Variants in PRR5L observed in about 807,000 individuals in gnomAD.
PRR5L encodes proline-rich protein 5-like.
Under a neutral mutation model 36.4 loss-of-function variants are expected in PRR5L, and 21 were observed. The observed-to-expected ratio is 0.58, with a 90% CI of 0.41 to 0.83. The LOEUF is 0.83. PRR5L is among the 40% of genes least tolerant of loss of function. The pLI is 0.00. For missense variants in PRR5L, 381 were observed against 473.3 expected (o/e 0.80, Z 1.81); for synonymous variants, 188 against 197.0 (o/e 0.95, Z 0.38).
chr11:36,343,773 T>A (rs894000408), intron 1 of PRR5L, among the ~76,000 whole-genome samples: 4 of 152,204 alleles, frequency 2.6e-5, no homozygotes, highest in African/African-American at 9.7e-5. Context: ...TATTATTACC[T>A]CCACTTACTG....
rs541748940 is a variant in PRR5L at position 36,411,470 on chromosome 11, CCT to C, written c.246-7784_246-7783del. 2.5e-4 allele frequency among the ~76,000 whole-genome samples: 38 copies of C among 152,174 alleles called. No homozygotes were observed. In the South Asian group the frequency reaches 2.7e-3, roughly 11 times the overall value. ...AGTCAGTGCTTCCCCATTTTTTCCC[CCT>C]GTTATGGCTCCTTTTGGCTTCTGGC... On this transcript the variant is annotated intron_variant, in intron 3 of 8. Coordinates refer to ENST00000530639, the MANE Select transcript of PRR5L (RefSeq NM_001160167.2).
chr11:36,374,047 C>CTCCTTCCTTCCTTCCTTCCT (rs59668248), intron 1 of PRR5L, among the ~76,000 whole-genome samples: 5 of 117,724 alleles, frequency 4.2e-5, no homozygotes, highest in African/African-American at 1.6e-4. Context: ...TAATTTTTTC[C>CTCCTTCCTTCCTTCCTTCCT]TCCTTCCTTC....
intron 1 of PRR5L, among the ~76,000 whole-genome samples, chr11:36,378,192 G>A (rs1444572534): frequency 1.3e-5 from 2 of 152,184 alleles, no homozygotes; most frequent in Non-Finnish European, 2.9e-5. Flanking sequence ...AGCAGCTAGC[G>A]GGTCAGGAGG....
chr11:36,389,614 ATTT>A, intron 1 of PRR5L, among the ~76,000 whole-genome samples: 1 of 135,002 alleles, frequency 7.4e-6, no homozygotes, highest in Admixed American at 7.5e-5. Context: ...AGCCCCATGT[ATTT>A]TTTTTTTTTT....
In PRR5L at chr11:36,366,982, G is replaced by A. The variant is rs181542515; in HGVS notation, c.-125-34015G>A. Reference sequence around the variant, plus strand: ...ACACAAATTTTTCCTTATTCCATTCGCCTTTCTATATATCCAATGCAGACT... The same window carrying A: ...ACACAAATTTTTCCTTATTCCATTCACCTTTCTATATATCCAATGCAGACT... On this transcript the variant is annotated intron_variant, in intron 1 of 8. Transcript: ENST00000530639. Among the ~76,000 whole-genome samples the A allele has an allele frequency of 4.1e-4, 62 of 151,522 alleles. No homozygotes were observed. The East Asian group carries it at 9.7e-3, about 24-fold the overall frequency.
At chr11:36,420,834 A>AACACACACACACACACACACAC (rs58639707) in intron 4 of PRR5L, among the ~76,000 whole-genome samples, 26 of 139,404 alleles carry the variant, frequency 1.9e-4, no homozygotes, top group Middle Eastern at 3.8e-3. Context: ...CAGTTGTTTA[A>AACACACACACACACACACACAC]ACACACACAC....
chr11:36,434,546 A>C (rs1418760679), intron 5 of PRR5L, among the ~76,000 whole-genome samples: 1 of 152,168 alleles, frequency 6.6e-6, no homozygotes, highest in African/African-American at 2.4e-5. Flanking sequence ...AGAAGATGCC[A>C]TGTTAACTTC....
chr11:36,454,471 T>C (rs44883), intron 8 of PRR5L, among the ~76,000 whole-genome samples: 30,277 of 152,102 alleles, frequency 0.2, 3,493 homozygotes, highest in African/African-American at 0.3. Flanking sequence ...GGAGTTGGGT[T>C]GGGGGTGATA....
intron 1 of PRR5L, among the ~76,000 whole-genome samples, chr11:36,304,092 G>T (rs1171762202): frequency 6.6e-6 from 1 of 152,126 alleles, no homozygotes; most frequent in Non-Finnish European, 1.5e-5. Context: ...AGAGACTGAG[G>T]CCATTCCTCA....
intron 1 of PRR5L, among the ~76,000 whole-genome samples, chr11:36,312,997 C>T (rs965783901): frequency 1.3e-5 from 2 of 152,240 alleles, no homozygotes; most frequent in Non-Finnish European, 2.9e-5. Flanking sequence ...GCTTTACTGA[C>T]AGATGTATCC....
intron 1 of PRR5L, among the ~76,000 whole-genome samples, chr11:36,393,110 T>A (rs1308939822): frequency 6.6e-6 from 1 of 152,184 alleles, no homozygotes; most frequent in Non-Finnish European, 1.5e-5. Context: ...TTTGCAAATA[T>A]TTTCTCCCAT....
At chr11:36,419,441 A>G in intron 4 of PRR5L, 138 bp downstream of exon 4, 1 of 772,204 alleles carries the variant, frequency 1.3e-6, no homozygotes, top group South Asian at 1.5e-5. Flanking sequence ...TGTGTGCTGC[A>G]CGTTGCAGAG....
intron 1 of PRR5L, among the ~76,000 whole-genome samples, chr11:36,392,233 T>C (rs1444775385): frequency 1.3e-5 from 2 of 152,234 alleles, no homozygotes; most frequent in South Asian, 2.1e-4. Context: ...GACACTTAGA[T>C]TGCATACAGA....
At chr11:36,449,618 C>G (rs1017006638) in intron 7 of PRR5L, among the ~76,000 whole-genome samples, 2 of 152,220 alleles carry the variant, frequency 1.3e-5, no homozygotes, top group African/African-American at 4.8e-5. Flanking sequence ...CCCAGCCAGG[C>G]AGGGTGTGCA....
intron 1 of PRR5L, chr11:36,297,241 T>C (rs1310030174): frequency 1.3e-5 from 2 of 152,258 alleles, no homozygotes; most frequent in African/African-American, 2.4e-5. Flanking sequence ...GGAGTTATTC[T>C]GCTTCTCTAG....
chr11:36,457,983 G>A (rs999917195), intron 8 of PRR5L, among the ~76,000 whole-genome samples: 1 of 152,192 alleles, frequency 6.6e-6, no homozygotes, highest in Non-Finnish European at 1.5e-5. Context: ...TATAGTTATT[G>A]ATTTTGGAGA....
At chr11:36,443,337 A>C (rs1400479527) in intron 6 of PRR5L, among the ~76,000 whole-genome samples, 1 of 152,206 alleles carries the variant, frequency 6.6e-6, no homozygotes, top group African/African-American at 2.4e-5. Flanking sequence ...TAAGCCATTC[A>C]TGAGGGATCC....
At chr11:36,330,264 T>A (rs1856705457) in intron 1 of PRR5L, among the ~76,000 whole-genome samples, 1 of 152,138 alleles carries the variant, frequency 6.6e-6, no homozygotes, top group Non-Finnish European at 1.5e-5. Flanking sequence ...GTTCCTTATA[T>A]CCCCAGAAAA....
At chr11:36,404,343 C>T (rs1206400631) in intron 3 of PRR5L, among the ~76,000 whole-genome samples, 1 of 150,032 alleles carries the variant, frequency 6.7e-6, no homozygotes, top group Non-Finnish European at 1.5e-5. Context: ...ACCATCTGGG[C>T]TCACTGCAAC....
Sources: gnomAD v4.1 joint callset for allele counts (sites outside exome capture counted in the v4.1 genomes callset) on GRCh38, gnomAD v4.1.1 for gene constraint, MANE v1.5 for transcripts, NCBI Gene and HGNC (gene_info 2026-07-23, HGNC 2026-07-21) for gene names.